Variants in GUCY2F observed in about 807,000 individuals in gnomAD.
The protein encoded by GUCY2F is guanylate cyclase 2F, retinal, also known as retinal guanylyl cyclase 2.
In GUCY2F, 61 loss-of-function variants were observed where a neutral mutation model predicts 73.1. That is an observed-to-expected ratio of 0.83 (90% CI 0.68 to 1.03). The LOEUF is 1.03. Ranked by LOEUF, GUCY2F falls within the 50% of genes least tolerant of loss-of-function variation. The pLI, the probability that GUCY2F is intolerant of heterozygous loss-of-function variation, is 0.00. For synonymous variants in GUCY2F, 331 were observed against 307.8 expected (o/e 1.08, Z -0.79); for missense variants, 912 against 854.3 (o/e 1.07, Z -0.84).
At chrX:109,450,964 C>T (rs1932123190) in intron 5 of GUCY2F, among the ~76,000 whole-genome samples, 1 of 111,618 alleles carries the variant, frequency 9.0e-6, no homozygotes, top group South Asian at 3.7e-4. Flanking sequence ...CAAGGTCACA[C>T]AGCTATTTAA....
At chrX:109,450,299 TTTTC>T (rs1237596653) in intron 5 of GUCY2F, among the ~76,000 whole-genome samples, 2 of 111,733 alleles carry the variant, frequency 1.8e-5, no homozygotes, top group East Asian at 5.6e-4. Context: ...CCCACTGTTT[TTTTC>T]TTTTCTTTTT....
intron 13 of GUCY2F, among the ~76,000 whole-genome samples, chrX:109,392,324 C>G (rs764271649): frequency 1.8e-5 from 2 of 112,183 alleles, no homozygotes; most frequent in South Asian, 7.4e-4. Context: ...TGGAATACAG[C>G]ACTGGACAGA....
intron 11 of GUCY2F, among the ~76,000 whole-genome samples, chrX:109,395,959 C>T (rs1214352769): frequency 8.9e-6 from 1 of 112,123 alleles, no homozygotes; most frequent in Non-Finnish European, 1.9e-5. Context: ...AAGGCCTCAT[C>T]AAGATCCTCC....
intron 15 of GUCY2F, among the ~76,000 whole-genome samples, chrX:109,385,655 A>G (rs1930418950): frequency 8.9e-6 from 1 of 111,966 alleles, no homozygotes; most frequent in African/African-American, 3.2e-5. Context: ...CTTGTGCCTT[A>G]GGGTTGGAAG....
chrX:109,472,783 T>C (rs1310184063), intron 2 of GUCY2F, among the ~76,000 whole-genome samples: 1 of 112,163 alleles, frequency 8.9e-6, no homozygotes, highest in Non-Finnish European at 1.9e-5. Context: ...TTGTTCATTC[T>C]CTGGATCCTG....
chrX:109,410,022 T>G (rs1931071311), intron 8 of GUCY2F, among the ~76,000 whole-genome samples: 1 of 111,379 alleles, frequency 9.0e-6, no homozygotes, highest in African/African-American at 3.3e-5. Flanking sequence ...CCCTGCCCCC[T>G]GCCACAGGTC....
At chrX:109,428,055 A>G (rs1931527355) in intron 8 of GUCY2F, among the ~76,000 whole-genome samples, 1 of 112,494 alleles carries the variant, frequency 8.9e-6, no homozygotes, top group Non-Finnish European at 1.9e-5. Flanking sequence ...ATGAGGAAGA[A>G]GAGAAGATTC....
At chrX:109,477,605 C>T (rs1738171813) in intron 1 of GUCY2F, among the ~76,000 whole-genome samples, 1 of 112,158 alleles carries the variant, frequency 8.9e-6, no homozygotes, top group Admixed American at 9.4e-5. Context: ...CCCTGAGACC[C>T]CACAACACTT....
intron 8 of GUCY2F, among the ~76,000 whole-genome samples, chrX:109,416,783 A>T (rs772889894): frequency 1.1e-4 from 12 of 110,942 alleles, no homozygotes; most frequent in African/African-American, 3.3e-4. Context: ...CACCAAGGAG[A>T]TTAAATACAA....
In GUCY2F at chrX:109,393,010, T is replaced by C. The variant is rs146581083; in HGVS notation, c.2470A>G (p.Met824Val). 51 of 1,113,215 alleles carry C rather than the reference T, an allele frequency of 4.6e-5. No homozygotes were observed. In the African/African-American group the frequency reaches 8.0e-4, roughly 17 times the overall value. The allele number at this position is 1,113,215 out of a possible 1,213,427, so 91.7% of individuals were successfully genotyped here. Residue 824 changes from methionine (M) to valine (V), a missense_variant, in exon 13 of 20, where the codon ATG becomes GTG. Met to Val is a conservative substitution (Grantham distance 21). Coordinates refer to ENST00000218006, the MANE Select transcript of GUCY2F (RefSeq NM_001522.3). Reference sequence around the variant, plus strand: ...GAATATTGCTCCAACATCCGAAGCATAGAATCAATAATATTGGTCTTCTTC... The same window carrying C: ...GAATATTGCTCCAACATCCGAAGCACAGAATCAATAATATTGGTCTTCTTC... ...KGKKTNIIDS[M>V]LRMLEQYSSN... is the part of the protein sequence containing the mutation.
At chrX:109,447,260 C>T (rs1482216685) in intron 6 of GUCY2F, among the ~76,000 whole-genome samples, 1 of 111,198 alleles carries the variant, frequency 9.0e-6, no homozygotes, top group Non-Finnish European at 1.9e-5. Context: ...TTTGACCCAG[C>T]CATCCCATTA....
At chrX:109,388,389 C>T (rs1930484272) in intron 15 of GUCY2F, 100 bp downstream of exon 15, 3 of 652,054 alleles carry the variant, frequency 4.6e-6, no homozygotes, top group Admixed American at 5.7e-5. Flanking sequence ...CTGGATAATC[C>T]GGTGGCCAGG....
chrX:109,462,731 A>T, intron 3 of GUCY2F, among the ~76,000 whole-genome samples: 1 of 111,863 alleles, frequency 8.9e-6, no homozygotes, highest in Non-Finnish European at 1.9e-5. Context: ...ACACACACAC[A>T]TACACCCTCT....
At chrX:109,394,579 G>A (rs1437183747) in intron 12 of GUCY2F, among the ~76,000 whole-genome samples, 1 of 112,170 alleles carries the variant, frequency 8.9e-6, no homozygotes, top group Non-Finnish European at 1.9e-5. Context: ...AGCTGACACA[G>A]CACTCATGGT....
chrX:109,397,369 T>G (rs1930734291), intron 11 of GUCY2F, among the ~76,000 whole-genome samples: 2 of 111,552 alleles, frequency 1.8e-5, no homozygotes, highest in Admixed American at 1.9e-4. Context: ...AGGCTTTAAG[T>G]AGAGGAATAA....
intron 16 of GUCY2F, among the ~76,000 whole-genome samples, chrX:109,384,641 A>G (rs932669500): frequency 2.7e-5 from 3 of 111,842 alleles, no homozygotes; most frequent in African/African-American, 9.7e-5. Flanking sequence ...CAGAATTCCA[A>G]GCTACTTGGA....
Position 109,388,604 on chromosome X carries a change from A to G in GUCY2F, c.2841T>C (p.Ser947=). The G allele has an allele frequency of 8.3e-7, 1 of 1,200,415 alleles. No individual in the cohort carries two copies. The highest frequency in any genetic ancestry group is 1.1e-6 in the Non-Finnish European group (1 of 885,504). The change falls in exon 15 of 20, where the codon AGT becomes AGC. Residue 947 remains serine, a synonymous_variant. Transcript: ENST00000218006. ...TGTTTGCAATCTCAGCTGCATGCCT[A>G]CTGCCATTCCTCTTTGGGAGGCCTG... ...VASGLPKRNG[S]RHAAEIANMS... is the part of the protein sequence containing the mutation.
chrX:109,387,870 T>C (rs1930472024), intron 15 of GUCY2F, among the ~76,000 whole-genome samples: 1 of 111,627 alleles, frequency 9.0e-6, no homozygotes, highest in Non-Finnish European at 1.9e-5. Flanking sequence ...AGGAGCATTT[T>C]AGGGAGGCTT....
chrX:109,434,893 C>G (rs1467481012), intron 7 of GUCY2F, among the ~76,000 whole-genome samples: 3 of 110,702 alleles, frequency 2.7e-5, no homozygotes, highest in East Asian at 2.8e-4. Flanking sequence ...AATCCTTTCC[C>G]CATTGCTTGT....
Sources: allele counts gnomAD v4.1 joint callset (sites outside exome capture counted in the v4.1 genomes callset), GRCh38; gene constraint gnomAD v4.1.1; transcripts MANE v1.5; gene names NCBI Gene and HGNC (gene_info 2026-07-23, HGNC 2026-07-21).